Variants in SCNN1A observed in about 807,000 individuals in gnomAD.
SCNN1A encodes the protein sodium channel epithelial 1 subunit alpha.
A neutral mutation model predicts 68.6 loss-of-function variants in SCNN1A; 65 were observed. The ratio of observed to expected loss-of-function variants is 0.95; its 90% CI spans 0.78 to 1.16. The LOEUF is 1.16. Ranked by LOEUF, SCNN1A falls within the 50% of genes most tolerant of loss-of-function variation. The pLI is 0.00. For missense variants in SCNN1A, 880 were observed against 865.9 expected, an observed-to-expected ratio of 1.02 and a Z score of -0.20; for synonymous variants, 357 against 353.3, an observed-to-expected ratio of 1.01 and a Z score of -0.12.
chr12:6,360,148 A>G (rs1449717598), intron 4 of SCNN1A, among the ~76,000 whole-genome samples: 1 of 152,220 alleles, frequency 6.6e-6, no homozygotes, highest in Non-Finnish European at 1.5e-5. Context: ...GACGTGAAGT[A>G]AGGTTGAAGT....
At chr12:6,368,635 T>C (rs1948721337) in intron 2 of SCNN1A, among the ~76,000 whole-genome samples, 1 of 152,218 alleles carries the variant, frequency 6.6e-6, no homozygotes, top group South Asian at 2.1e-4. Context: ...TGAGGCATGA[T>C]GACTTATTCC....
At chr12:6,375,208 C>T in intron 1 of SCNN1A, 4 of 1,445,108 alleles carry the variant, frequency 2.8e-6, no homozygotes, top group Non-Finnish European at 3.6e-6. Context: ...CACTCCCTCT[C>T]TATCTGCCTT....
rs145258879 is a variant in SCNN1A, at chr12:6,374,975, C to G, written c.-54-138G>C. On this transcript the variant is annotated intron_variant, in intron 1 of 12. Coordinates refer to ENST00000228916, the MANE Select transcript of SCNN1A (RefSeq NM_001038.6). This position sits in a 1 kb window ranked among gnomAD's most constrained non-coding sequence, Gnocchi z 6.2. Reference sequence around the variant, plus strand: ...GCCATGCCCATGTCCCACCCTGCGCCCACATTCTCCCACTCCTCCCTCCCT... The same window carrying G: ...GCCATGCCCATGTCCCACCCTGCGCGCACATTCTCCCACTCCTCCCTCCCT... 6.9e-4 allele frequency: 1,081 copies of G among 1,555,732 alleles called. 7 individuals are homozygous for G. Among genetic ancestry groups the G allele is most frequent in the Middle Eastern group, 6.2e-3 (37 of 5,992 alleles).
intron 2 of SCNN1A, among the ~76,000 whole-genome samples, chr12:6,369,559 G>C (rs752753397): frequency 6.6e-6 from 1 of 152,150 alleles, no homozygotes; most frequent in Non-Finnish European, 1.5e-5. Context: ...ATGGCCGGGC[G>C]CGGTGGCTCA....
chr12:6,363,436 GCCTCA>G lies in SCNN1A; in HGVS notation c.684+2_684+6del. 6.4e-7 allele frequency: 1 copy of G among 1,558,680 alleles called. No individual in the cohort carries two copies. Among genetic ancestry groups the G allele is most frequent in the Non-Finnish European group, 8.7e-7 (1 of 1,153,854 alleles). On this transcript the variant is annotated splice_donor_variant and splice_donor_5th_base_variant and intron_variant, in intron 3 of 12. Transcript: ENST00000228916. LOFTEE classifies it high-confidence loss of function. ...CGGGGCGGGCCCCTCGGCGCTGCGGGCCTCACCAGCTGGAAGCCGATCTTCCAGTC... is the reference window on the plus strand; with the variant it reads ...CGGGGCGGGCCCCTCGGCGCTGCGGGCCAGCTGGAAGCCGATCTTCCAGTC...
At position 6,347,958 on chromosome 12, in the gene SCNN1A, G is replaced by GGGGGAGGGGCTGTCAAGGCT; in HGVS notation, c.1905_1924dup (p.Pro642GlnfsTer3). 6.4e-7 allele frequency: 1 copy of GGGGGAGGGGCTGTCAAGGCT among 1,567,802 alleles called. No individual in the cohort carries two copies. The highest frequency in any genetic ancestry group is 1.4e-5 in the African/African-American group (1 of 74,034). ...GCGGGGGCCCAGGGTGGCATAGGCA[G>GGGGGAGGGGCTGTCAAGGCT]GGGGAGGGGCTGTCAAGGCTGGAGA... On this transcript the variant is annotated stop_gained and frameshift_variant, in exon 13 of 13. Coordinates refer to ENST00000228916, the MANE Select transcript of SCNN1A (RefSeq NM_001038.6). LOFTEE classifies it low-confidence loss of function (END_TRUNC).
At chr12:6,373,983 G>A (rs1948846411) in intron 2 of SCNN1A, among the ~76,000 whole-genome samples, 1 of 152,290 alleles carries the variant, frequency 6.6e-6, no homozygotes, top group Non-Finnish European at 1.5e-5. Context: ...CTGCTGAGGT[G>A]GACGAGGTCT....
At chr12:6,369,376 G>GCCACCCTACGCACCTC (rs1206838851) in intron 2 of SCNN1A, among the ~76,000 whole-genome samples, 18 of 145,764 alleles carry the variant, frequency 1.2e-4, no homozygotes, top group African/African-American at 2.5e-4. Flanking sequence ...CCTCCCTCCT[G>GCCACCCTACGCACCTC]CCTGGCCTCA....
chr12:6,354,525 T>A lies in SCNN1A; in HGVS notation c.1273A>T (p.Met425Leu). 1 of 1,613,976 alleles carries A rather than the reference T, an allele frequency of 6.2e-7. No homozygotes were observed. Among genetic ancestry groups the A allele is most frequent in the Non-Finnish European group, 8.5e-7 (1 of 1,179,986 alleles). ...TAGGCACAGCCACACTCCTTGATCA[T>A]GCTCTCCTGGAAGCAGGAGTGAATA... ...VCIHSCFQES[M>L]IKECGCAYIF... The change falls in exon 8 of 13, where the codon ATG becomes TTG. Residue 425 changes from methionine to leucine, a missense_variant. This residue lies in a region of SCNN1A where 758 missense variants were observed against 721.8 expected (regional missense o/e 1.05). Transcript: ENST00000228916.
rs751486061 is a variant in SCNN1A, at chr12:6,362,274, G to T, written c.685-33C>A. The stretch of plus-strand genomic sequence containing the variant: ...CAGAGACTAGAGTCAGAGGGGACAC[G>T]CAGCCGGGGATAAGCCCCTTGGCAG... On this transcript the variant is annotated intron_variant, in intron 3 of 12. Coordinates refer to ENST00000228916, the MANE Select transcript of SCNN1A (RefSeq NM_001038.6). 4 of 1,594,516 alleles carry T rather than the reference G, an allele frequency of 2.5e-6. No homozygotes were observed. The South Asian group carries it at 3.3e-5, about 13-fold the overall frequency.
intron 2 of SCNN1A, among the ~76,000 whole-genome samples, chr12:6,369,417 G>C (rs1318026495): frequency 6.7e-6 from 1 of 149,796 alleles, no homozygotes; most frequent in African/African-American, 2.5e-5. Context: ...GCACAGCCTG[G>C]GCTCCCAGCC....
chr12:6,354,768 AG>A lies in SCNN1A; in HGVS notation c.1223del (p.Pro408LeufsTer18). ...GSDVPVENLY[P>X]SKYTQQVCIH... The stretch of plus-strand genomic sequence containing the variant: ...GCCTCACCTGCTGTGTGTACTTTGA[AG>A]GGTAAAGGTTCTCAACAGGAACATC... On this transcript the variant is annotated frameshift_variant, in exon 7 of 13. Transcript: ENST00000228916. LOFTEE classifies it high-confidence loss of function. 6.2e-7 allele frequency: 1 copy of A among 1,613,738 alleles called. No homozygotes were observed. Among genetic ancestry groups the A allele is most frequent in the Non-Finnish European group, 8.5e-7 (1 of 1,179,816 alleles).
chr12:6,356,053 A>G (rs1384191040), intron 4 of SCNN1A, 173 bp from the exon 5 acceptor site: 1 of 671,464 alleles, frequency 1.5e-6, no homozygotes, highest in Non-Finnish European at 2.7e-6. Flanking sequence ...TGAGAGCTTT[A>G]CTCACACTCC....
chr12:6,361,923 C>T (rs1455822595), intron 4 of SCNN1A, 128 bp downstream of exon 4: 5 of 1,034,862 alleles, frequency 4.8e-6, no homozygotes, highest in Non-Finnish European at 7.5e-6. Flanking sequence ...AGTGCTTCCC[C>T]CTGGCCTGCT....
intron 2 of SCNN1A, among the ~76,000 whole-genome samples, chr12:6,370,652 C>T (rs758857409): frequency 1.3e-5 from 2 of 152,216 alleles, no homozygotes; most frequent in Admixed American, 6.5e-5. Context: ...CTGCTGAGCA[C>T]AGCCTGGTGT....
chr12:6,357,543 G>A (rs1948517463), intron 4 of SCNN1A, among the ~76,000 whole-genome samples: 1 of 144,280 alleles, frequency 6.9e-6, no homozygotes, highest in African/African-American at 2.9e-5. Flanking sequence ...ACACTACAGC[G>A]AGACTCTGTC....
At chr12:6,355,237 G>A in intron 6 of SCNN1A, 35 bp downstream of exon 6, 1 of 1,601,626 alleles carries the variant, frequency 6.2e-7, no homozygotes. Flanking sequence ...GCAATCTGAG[G>A]CGCTCCTTCC....
chr12:6,359,971 A>G (rs1948557104), intron 4 of SCNN1A, among the ~76,000 whole-genome samples: 1 of 151,980 alleles, frequency 6.6e-6, no homozygotes, highest in African/African-American at 2.4e-5. Flanking sequence ...GGGTTTCGCC[A>G]TGTTGGCCAG....
intron 2 of SCNN1A, among the ~76,000 whole-genome samples, chr12:6,364,680 T>C (rs1948646033): frequency 6.6e-6 from 1 of 151,192 alleles, no homozygotes; most frequent in Non-Finnish European, 1.5e-5. Flanking sequence ...GAGAATGGTG[T>C]GAACCCGGGA....
Sources: gnomAD v4.1 joint callset for allele counts (sites outside exome capture counted in the v4.1 genomes callset) on GRCh38, gnomAD v4.1.1 for gene constraint, gnomAD v4.1.1 regional missense constraint, Gnocchi (gnomAD v3.1) non-coding constraint, MANE v1.5 for transcripts, NCBI Gene and HGNC (gene_info 2026-07-23, HGNC 2026-07-21) for gene names.